The following ADCY2 variants were observed in gnomAD, a reference collection of about 807,000 sequenced individuals.
The protein encoded by ADCY2 is adenylate cyclase type 2.
In ADCY2, 31 loss-of-function variants were observed where a neutral mutation model predicts 125.2. The observed-to-expected ratio is 0.25, with a 90% CI of 0.19 to 0.33. ADCY2 has a LOEUF of 0.33. ADCY2 is among the 10% of genes least tolerant of loss of function. The pLI is 1.00. For synonymous variants in ADCY2, 512 were observed against 548.4 expected (o/e 0.93, Z 0.93); for missense variants, 904 against 1,418.2 (o/e 0.64, Z 5.82).
At chr5:7,668,415 A>G (rs1311044865) in intron 4 of ADCY2, among the ~76,000 whole-genome samples, 2 of 152,190 alleles carry the variant, frequency 1.3e-5, no homozygotes, top group Non-Finnish European at 2.9e-5. Context: ...CACTTTCTAA[A>G]AGTAAATGTT....
At chr5:7,549,706 C>G (rs999242336) in intron 3 of ADCY2, among the ~76,000 whole-genome samples, 6 of 152,112 alleles carry the variant, frequency 3.9e-5, no homozygotes, top group African/African-American at 1.4e-4. Flanking sequence ...TTTTAGGGCC[C>G]TACGAAGTAG....
At chr5:7,586,514 T>G (rs546709818) in intron 3 of ADCY2, among the ~76,000 whole-genome samples, 8 of 152,208 alleles carry the variant, frequency 5.3e-5, no homozygotes, top group Non-Finnish European at 1.2e-4. Context: ...CTGACAAATG[T>G]GAGGGAAAGG....
intron 3 of ADCY2, among the ~76,000 whole-genome samples, chr5:7,561,388 A>AT (rs1735703832): frequency 6.6e-6 from 1 of 152,220 alleles, no homozygotes. Flanking sequence ...CATATGCAGC[A>AT]TGTTGCTGTT....
chr5:7,603,719 C>A (rs72710464), intron 3 of ADCY2, among the ~76,000 whole-genome samples: 352 of 124,822 alleles, frequency 2.8e-3, no homozygotes, highest in East Asian at 0.014. Flanking sequence ...TCGTTAGGGC[C>A]AGTGAAGGTT....
At chr5:7,771,213 G>A (rs1332070197) in intron 17 of ADCY2, among the ~76,000 whole-genome samples, 2 of 152,142 alleles carry the variant, frequency 1.3e-5, no homozygotes, top group Non-Finnish European at 2.9e-5. Flanking sequence ...TCCTCCCTCT[G>A]AGATACTGCC....
chr5:7,796,094 T>C (rs1744411727), intron 20 of ADCY2: 1 of 152,020 alleles, frequency 6.6e-6, no homozygotes, highest in South Asian at 2.1e-4. Flanking sequence ...CTTGAAGTCA[T>C]GTTTTATTTC....
At chr5:7,407,933 A>G (rs576090054) in intron 1 of ADCY2, among the ~76,000 whole-genome samples, 5 of 150,754 alleles carry the variant, frequency 3.3e-5, no homozygotes, top group African/African-American at 1.2e-4. Flanking sequence ...CAGTGGCACA[A>G]TTTCGGCTCA....
Position 7,784,443 on chromosome 5 carries a change from T to G in ADCY2, c.2463T>G (p.Gly821=). ...TCTTCATCACACTGCTTGTTCTGGG[T>G]AGACAGGTAAGAAGTCTGTTTATAT... is the stretch of plus-strand genomic sequence containing the variant. The part of the protein sequence containing the change: ...SIFFITLLVL[G]RQNEYYCRLD... Residue 821 remains glycine, a synonymous_variant, in exon 19 of 25, where the codon GGT becomes GGG. Transcript: ENST00000338316. 1 of 1,613,016 alleles carries G rather than the reference T, an allele frequency of 6.2e-7. No individual in the cohort carries two copies. The highest frequency in any genetic ancestry group is 1.1e-5 in the South Asian group (1 of 91,060).
rs1218344639 is a variant in ADCY2, at chr5:7,702,934, T to A, written c.1110-3810T>A. Among the ~76,000 whole-genome samples the A allele has an allele frequency of 2.0e-5, 3 of 152,330 alleles. No individual in the cohort carries two copies. In the East Asian group the frequency reaches 5.8e-4, roughly 29 times the overall value. ...TGATCGCCATTCTGACTGGTGTGAG[T>A]TGGTATCTCATTGTGGTTTTGATTT... On this transcript the variant is annotated intron_variant, in intron 7 of 24. Coordinates refer to ENST00000338316, the MANE Select transcript of ADCY2 (RefSeq NM_020546.3).
At chr5:7,821,622 G>A (rs1305307720) in intron 24 of ADCY2, among the ~76,000 whole-genome samples, 1 of 152,216 alleles carries the variant, frequency 6.6e-6, no homozygotes, top group African/African-American at 2.4e-5. Context: ...TGTTCTCTTG[G>A]AGATGACCGT....
intron 2 of ADCY2, among the ~76,000 whole-genome samples, chr5:7,421,792 G>A (rs766563420): frequency 4.6e-5 from 7 of 152,194 alleles, no homozygotes; most frequent in Non-Finnish European, 1.0e-4. Flanking sequence ...GAAATTAAAT[G>A]TGGGCTATGA....
At chr5:7,465,351 A>G (rs1263462263) in intron 2 of ADCY2, among the ~76,000 whole-genome samples, 1 of 152,148 alleles carries the variant, frequency 6.6e-6, no homozygotes, top group African/African-American at 2.4e-5. Context: ...GATGCGTCCT[A>G]AGTCCAGTAA....
At chr5:7,543,335 C>T (rs1473260219) in intron 3 of ADCY2, among the ~76,000 whole-genome samples, 1 of 151,582 alleles carries the variant, frequency 6.6e-6, no homozygotes, top group East Asian at 1.9e-4. Flanking sequence ...TAATTAATAT[C>T]TCAATTGATT....
chr5:7,489,332 A>G (rs1743070572), intron 2 of ADCY2, among the ~76,000 whole-genome samples: 1 of 152,134 alleles, frequency 6.6e-6, no homozygotes, highest in African/African-American at 2.4e-5. Flanking sequence ...TCTTTTTGAC[A>G]CACTTACATA....
chr5:7,699,284 A>G lies in ADCY2; in HGVS notation c.1109+910A>G, dbSNP rs565201863. ...GGCTAATTTTTTGTATTTTTAGTAGAGACGGGGTTTCACCGTTTTAGCCGG... is the reference window on the plus strand; with the variant it reads ...GGCTAATTTTTTGTATTTTTAGTAGGGACGGGGTTTCACCGTTTTAGCCGG... On this transcript the variant is annotated intron_variant, in intron 7 of 24. Transcript: ENST00000338316. 2.5e-4 allele frequency among the ~76,000 whole-genome samples: 37 copies of G among 149,416 alleles called. 1 individual carries two copies. The highest frequency in any genetic ancestry group is 4.4e-4 in the Non-Finnish European group (30 of 67,420).
intron 3 of ADCY2, among the ~76,000 whole-genome samples, chr5:7,538,722 C>T (rs1472512040): frequency 2.0e-5 from 3 of 151,982 alleles, no homozygotes; most frequent in Non-Finnish European, 4.4e-5. Flanking sequence ...AACATTATGT[C>T]AATTAGATCA....
chr5:7,521,040 T>C, intron 3 of ADCY2, 141 bp downstream of exon 3: 1 of 977,744 alleles, frequency 1.0e-6, no homozygotes, highest in Non-Finnish European at 1.5e-6. Flanking sequence ...TGACCCCCTA[T>C]AACACTGAGG....
chr5:7,617,902 G>A lies in ADCY2; in HGVS notation c.571-8265G>A, dbSNP rs1480580192. 3.9e-5 allele frequency among the ~76,000 whole-genome samples: 6 copies of A among 152,098 alleles called. No homozygotes were observed. The South Asian group carries it at 8.3e-4, about 21-fold the overall frequency. On this transcript the variant is annotated intron_variant, in intron 3 of 24. Transcript: ENST00000338316. ...TGATTAATGAAACAACCAAAGTTTC[G>A]TTTGTAATAGAAAAGTTTTTGTTCT... is the stretch of plus-strand genomic sequence containing the variant.
chr5:7,587,471 T>A (rs1333384444), intron 3 of ADCY2, among the ~76,000 whole-genome samples: 1 of 152,208 alleles, frequency 6.6e-6, no homozygotes, highest in African/African-American at 2.4e-5. Context: ...ATATCATACA[T>A]GATGTAGTAA....
Sources: allele counts gnomAD v4.1 joint callset (sites outside exome capture counted in the v4.1 genomes callset), GRCh38; gene constraint gnomAD v4.1.1; transcripts MANE v1.5; gene names NCBI Gene and HGNC (gene_info 2026-07-23, HGNC 2026-07-21).